Variants in LSAMP observed in about 807,000 individuals in gnomAD.
LSAMP encodes the protein limbic system-associated membrane protein.
In LSAMP, 7 loss-of-function variants were observed where a neutral mutation model predicts 38.6. That is an observed-to-expected ratio of 0.18 (90% CI 0.10 to 0.34). The LOEUF (loss-of-function observed/expected upper bound fraction) is 0.34. Among genes scored for constraint, LSAMP ranks in the 10% least tolerant of loss-of-function variants. The probability of loss-of-function intolerance (pLI) is 1.00; values close to 1 mark genes in which losing one functional copy is unlikely to be tolerated. For synonymous variants in LSAMP, 154 were observed against 166.8 expected (o/e 0.92, Z 0.59); for missense variants, 313 against 420.0 (o/e 0.75, Z 2.23).
At chr3:115,918,502 C>T (rs1937304171) in intron 3 of LSAMP, among the ~76,000 whole-genome samples, 1 of 152,060 alleles carries the variant, frequency 6.6e-6, no homozygotes, top group African/African-American at 2.4e-5. Context: ...TCTCTCTGGC[C>T]AAGACTGTTA....
rs1357628490 is a variant in LSAMP, at chr3:116,346,981, GATTT to G, written c.155+97892_155+97895del. Among the ~76,000 whole-genome samples the G allele has an allele frequency of 2.0e-4, 30 of 152,278 alleles. No homozygotes were observed. The East Asian group carries it at 5.8e-3, about 29-fold the overall frequency. On this transcript the variant is annotated intron_variant, in intron 1 of 6. Transcript: ENST00000490035. ...GACTTAATAAATAAAATGATAAAAT[GATTT>G]ATTTATGTAATTTTGAAAAATATAC...
chr3:116,253,358 T>C (rs577583422), intron 1 of LSAMP, among the ~76,000 whole-genome samples: 1 of 152,264 alleles, frequency 6.6e-6, no homozygotes, highest in East Asian at 1.9e-4. Context: ...AACAAAGAGT[T>C]CCTATGGTGG....
intron 6 of LSAMP, among the ~76,000 whole-genome samples, chr3:115,827,506 C>A (rs1157843961): frequency 6.6e-6 from 1 of 152,070 alleles, no homozygotes; most frequent in African/African-American, 2.4e-5. Context: ...GAACTATTAG[C>A]TGTGATTGAT....
At chr3:116,086,196 G>A (rs368163414) in intron 2 of LSAMP, 128 bp downstream of exon 2, 9 of 774,050 alleles carry the variant, frequency 1.2e-5, no homozygotes, top group South Asian at 1.8e-5. Context: ...ACAGAAAATC[G>A]ATACTTAAGT....
intron 1 of LSAMP, among the ~76,000 whole-genome samples, chr3:116,289,221 A>C (rs1389765128): frequency 6.6e-6 from 1 of 152,232 alleles, no homozygotes; most frequent in Non-Finnish European, 1.5e-5. Context: ...ATAAATAAGC[A>C]GTTCTCAAAA....
chr3:116,343,329 G>C (rs1316814118), intron 1 of LSAMP, among the ~76,000 whole-genome samples: 3 of 152,088 alleles, frequency 2.0e-5, no homozygotes, highest in African/African-American at 7.2e-5. Flanking sequence ...CCTGAAAGTA[G>C]GCAATGCAAA....
chr3:116,100,804 C>T (rs1206504587), intron 1 of LSAMP, among the ~76,000 whole-genome samples: 1 of 152,170 alleles, frequency 6.6e-6, no homozygotes, highest in Admixed American at 6.5e-5. Context: ...TGACATTACA[C>T]TCCTTTTGCT....
chr3:116,245,920 T>TA (rs35435178), intron 1 of LSAMP, among the ~76,000 whole-genome samples: 7 of 152,140 alleles, frequency 4.6e-5, no homozygotes, highest in African/African-American at 7.2e-5. Flanking sequence ...TTCTTTAAGC[T>TA]AAAAAAAGTC....
chr3:116,383,998 C>T, intron 1 of LSAMP, among the ~76,000 whole-genome samples: 1 of 152,098 alleles, frequency 6.6e-6, no homozygotes, highest in East Asian at 1.9e-4. Context: ...AGATCTAAAC[C>T]TACTAACCTC....
At chr3:116,438,285 G>A (rs905956824) in intron 1 of LSAMP, among the ~76,000 whole-genome samples, 2 of 152,116 alleles carry the variant, frequency 1.3e-5, no homozygotes, top group Admixed American at 1.3e-4. Flanking sequence ...ATAGTCTTAA[G>A]AGTTTATAGT....
intron 2 of LSAMP, among the ~76,000 whole-genome samples, chr3:116,044,636 A>T (rs929136318): frequency 6.6e-6 from 1 of 152,026 alleles, no homozygotes; most frequent in Non-Finnish European, 1.5e-5. Flanking sequence ...AAAAAAAAAA[A>T]ACTAATGCAA....
chr3:115,959,913 C>G (rs1576257880), intron 3 of LSAMP, among the ~76,000 whole-genome samples: 1 of 151,992 alleles, frequency 6.6e-6, no homozygotes. Flanking sequence ...GAATGGCAGG[C>G]CCCCCAACTC....
At chr3:115,988,506 T>G (rs977523968) in intron 3 of LSAMP, among the ~76,000 whole-genome samples, 1 of 152,108 alleles carries the variant, frequency 6.6e-6, no homozygotes, top group Non-Finnish European at 1.5e-5. Flanking sequence ...CTCACTGTGT[T>G]GCCCAGGCTA....
intron 3 of LSAMP, among the ~76,000 whole-genome samples, chr3:115,863,584 T>C (rs1273714028): frequency 1.3e-5 from 2 of 151,756 alleles, no homozygotes; most frequent in Non-Finnish European, 2.9e-5. Flanking sequence ...TACATATATA[T>C]TGTATATATA....
At position 115,807,136 on chromosome 3, in the gene LSAMP, G is replaced by C; in HGVS notation, c.*3181C>G. 2 of 152,106 alleles carry C rather than the reference G, an allele frequency of 1.3e-5. 1 individual carries two copies. Among genetic ancestry groups the C allele is most frequent in the Admixed American group, 1.3e-4 (2 of 15,256 alleles). 9.4% of individuals were successfully genotyped at this position (152,106 alleles called of 1,614,324 possible). A position where few individuals can be genotyped will look rare whatever the true frequency, so the allele number is the denominator to read the frequency against. The stretch of plus-strand genomic sequence containing the variant: ...ATTACCAAGGGACAAGATTCTTGAA[G>C]GAATTTATTCCAATATGATTAACTA... On this transcript the variant is annotated 3_prime_UTR_variant, in exon 7 of 7. Coordinates refer to ENST00000490035, the MANE Select transcript of LSAMP (RefSeq NM_002338.5).
intron 3 of LSAMP, among the ~76,000 whole-genome samples, chr3:116,010,960 A>G (rs1015921285): frequency 9.9e-5 from 15 of 152,230 alleles, no homozygotes. Context: ...GAACACCTGT[A>G]ATATGCCAAT....
intron 3 of LSAMP, among the ~76,000 whole-genome samples, chr3:115,858,135 A>ATCGCTCTCTC (rs1935563649): frequency 2.1e-5 from 3 of 144,044 alleles, no homozygotes; most frequent in Non-Finnish European, 1.5e-5. Flanking sequence ...CCGTCCTCCC[A>ATCGCTCTCTC]TCTCTCTCTC....
At chr3:116,439,815 C>T (rs1173514507) in intron 1 of LSAMP, among the ~76,000 whole-genome samples, 1 of 152,252 alleles carries the variant, frequency 6.6e-6, no homozygotes, top group Non-Finnish European at 1.5e-5. Flanking sequence ...CTCCGCCTCA[C>T]GGGTTCAAGC....
At chr3:115,872,122 T>C (rs933095765) in intron 3 of LSAMP, among the ~76,000 whole-genome samples, 2 of 152,116 alleles carry the variant, frequency 1.3e-5, no homozygotes, top group African/African-American at 4.8e-5. Context: ...TTTGATGCTC[T>C]GAAAATGAGT....
Sources: gnomAD v4.1 joint callset for allele counts (sites outside exome capture counted in the v4.1 genomes callset) on GRCh38, gnomAD v4.1.1 for gene constraint, MANE v1.5 for transcripts, NCBI Gene and HGNC (gene_info 2026-07-23, HGNC 2026-07-21) for gene names.